PLD1: variants seen among roughly 807,000 people sequenced by gnomAD.
The protein encoded by PLD1 is choline phosphatase 1.
In PLD1, 112 loss-of-function variants were observed where a neutral mutation model predicts 137.1. The observed-to-expected ratio is 0.82, with a 90% CI of 0.70 to 0.96. The LOEUF (loss-of-function observed/expected upper bound fraction) is 0.96, where lower values mean the gene tolerates loss of function less well. PLD1 is among the 40% of genes least tolerant of loss of function. PLD1 has a pLI of 0.00. For missense variants in PLD1, 1,321 were observed against 1,342.0 expected, an observed-to-expected ratio of 0.98 and a Z score of 0.24; for synonymous variants, 431 against 454.7, an observed-to-expected ratio of 0.95 and a Z score of 0.66.
chr3:171,796,182 A>G (rs2108355048), intron 1 of PLD1, among the ~76,000 whole-genome samples: 1 of 152,372 alleles, frequency 6.6e-6, no homozygotes, highest in South Asian at 2.1e-4. Flanking sequence ...TGAGTAAGAT[A>G]TGTCCCTTAC....
chr3:171,611,411 G>A, intron 25 of PLD1: 1 of 341,740 alleles, frequency 2.9e-6, no homozygotes, highest in Non-Finnish European at 5.8e-6. Flanking sequence ...GGTTCTAGAG[G>A]GACCACTGTG....
At chr3:171,632,857 G>C (rs1477339292) in intron 23 of PLD1, among the ~76,000 whole-genome samples, 1 of 152,152 alleles carries the variant, frequency 6.6e-6, no homozygotes, top group Non-Finnish European at 1.5e-5. Flanking sequence ...TGCCAAAGCA[G>C]GCCTACAGAG....
intron 1 of PLD1, among the ~76,000 whole-genome samples, chr3:171,781,047 A>G (rs898964548): frequency 2.0e-5 from 3 of 152,204 alleles, no homozygotes; most frequent in Admixed American, 6.5e-5. Flanking sequence ...AGGACTTAAC[A>G]CTACCTGACT....
At chr3:171,710,715 T>G (rs1310113875) in intron 9 of PLD1, among the ~76,000 whole-genome samples, 1 of 152,116 alleles carries the variant, frequency 6.6e-6, no homozygotes, top group Non-Finnish European at 1.5e-5. Flanking sequence ...TTCCCTCAGC[T>G]TCTGGAAATA....
intron 8 of PLD1, among the ~76,000 whole-genome samples, chr3:171,724,468 C>T (rs371908233): frequency 5.3e-5 from 8 of 152,080 alleles, no homozygotes; most frequent in Admixed American, 2.0e-4. Context: ...CCAATTTGTG[C>T]GTTCTTTGTC....
At chr3:171,726,491 G>C (rs533640698) in intron 6 of PLD1, among the ~76,000 whole-genome samples, 1 of 152,174 alleles carries the variant, frequency 6.6e-6, no homozygotes, top group African/African-American at 2.4e-5. Flanking sequence ...GACTGGATTT[G>C]GGCCCACAGT....
chr3:171,662,072 A>G lies in PLD1; in HGVS notation c.2328T>C (p.Tyr776=). 2 of 1,591,738 alleles carry G rather than the reference A, an allele frequency of 1.3e-6. No individual in the cohort carries two copies. The highest frequency in any genetic ancestry group is 1.7e-6 in the Non-Finnish European group (2 of 1,159,788). The change falls in exon 20 of 27, where the codon TAT becomes TAC. Residue 776 remains tyrosine, a synonymous_variant. Transcript: ENST00000351298. Reference sequence around the variant, plus strand: ...GAGCAAGACTTACTTCGATATAGATATAGTGCCTGCTGTTCTCTATCACAT... The same window carrying G: ...GAGCAAGACTTACTTCGATATAGATGTAGTGCCTGCTGTTCTCTATCACAT... The part of the protein sequence containing the change: ...YVHVIENSRH[Y]IYIENQFFIS...
At chr3:171,736,200 G>A (rs1007793394) in intron 3 of PLD1, among the ~76,000 whole-genome samples, 2 of 152,112 alleles carry the variant, frequency 1.3e-5, no homozygotes, top group African/African-American at 2.4e-5. Flanking sequence ...GGTGGAAAAA[G>A]TGACTGCAGT....
intron 13 of PLD1, among the ~76,000 whole-genome samples, chr3:171,690,269 G>A (rs1715016520): frequency 6.6e-6 from 1 of 151,856 alleles, no homozygotes; most frequent in African/African-American, 2.4e-5. Flanking sequence ...AGCCCACCAA[G>A]CTAAAGGTTT....
At chr3:171,689,987 G>A (rs1714989541) in intron 13 of PLD1, among the ~76,000 whole-genome samples, 1 of 152,176 alleles carries the variant, frequency 6.6e-6, no homozygotes, top group Admixed American at 6.5e-5. Context: ...CTCATTAAAT[G>A]TTTGGTAGAA....
rs1033718362 is a variant in PLD1 at position 171,676,638 on chromosome 3, A to G, written c.2115+77T>C. 3 of 1,071,400 alleles carry G rather than the reference A, an allele frequency of 2.8e-6. No individual in the cohort carries two copies. In the South Asian group the frequency reaches 4.1e-5, roughly 15 times the overall value. 66.4% of individuals were successfully genotyped at this position (1,071,400 alleles called of 1,614,324 possible). ...GCCACAACAGTCTCTTCTTGCTACC[A>G]GCCTCCTCTAAACCTCTTCTCTAGT... On this transcript the variant is annotated intron_variant, in intron 18 of 26. Transcript: ENST00000351298.
chr3:171,682,720 A>G lies in PLD1; in HGVS notation c.1867+3965T>C, dbSNP rs1714138327. Among the ~76,000 whole-genome samples the G allele has an allele frequency of 3.9e-5, 6 of 152,204 alleles. 1 individual carries two copies. In the South Asian group the frequency reaches 1.2e-3, roughly 32 times the overall value. On this transcript the variant is annotated intron_variant, in intron 16 of 26. Coordinates refer to ENST00000351298, the MANE Select transcript of PLD1 (RefSeq NM_002662.5). ...GAACTCCAATAATTAAAACAGATACAAGTGGGATTGTTCTGGTTGAAGAGG... is the reference window on the plus strand; with the variant it reads ...GAACTCCAATAATTAAAACAGATACGAGTGGGATTGTTCTGGTTGAAGAGG...
At position 171,758,540 on chromosome 3, in the gene PLD1, T is replaced by C. The variant is rs1721185481; in HGVS notation, c.-31-20458A>G. 2.6e-5 allele frequency among the ~76,000 whole-genome samples: 4 copies of C among 152,308 alleles called. No homozygotes were observed. The South Asian group carries it at 8.3e-4, about 32-fold the overall frequency. On this transcript the variant is annotated intron_variant, in intron 1 of 26. Coordinates refer to ENST00000351298, the MANE Select transcript of PLD1 (RefSeq NM_002662.5). ...CTCGTAGGCATCATCCAGGAGCTTG[T>C]TGGAAATGCAAAACCTTGGCCACAC...
Position 171,645,013 on chromosome 3 carries a change from T to G in PLD1, c.2440A>C (p.Lys814Gln), listed in dbSNP as rs1178866606. Residue 814 changes from lysine (K) to glutamine (Q), a missense_variant, in exon 22 of 27, where the codon AAA becomes CAA. By Grantham distance (53) the Lys-to-Gln change is moderately conservative (BLOSUM62 1). Transcript: ENST00000351298. Reference sequence around the variant, plus strand: ...GGTATCACGACATATACCCGGTATTTCTGGTTTTCCCTGCAAAGGTCAGAT... The same window carrying G: ...GGTATCACGACATATACCCGGTATTGCTGGTTTTCCCTGCAAAGGTCAGAT... ...RILKAHRENQ[K>Q]YRVYVVIPLL... 2 of 1,611,514 alleles carry G rather than the reference T, an allele frequency of 1.2e-6. No homozygotes were observed. The highest frequency in any genetic ancestry group is 2.7e-5 in the African/African-American group (2 of 74,994).
rs1448076338 is a variant in PLD1 at position 171,612,003 on chromosome 3, G to T, written c.2882+276C>A. ...ATGCTGAGCCAGGAGGATTGCTTGAGCCTAGGAATTCAAGGATGCAATGAG... is the reference window on the plus strand; with the variant it reads ...ATGCTGAGCCAGGAGGATTGCTTGATCCTAGGAATTCAAGGATGCAATGAG... On this transcript the variant is annotated intron_variant, in intron 25 of 26. Coordinates refer to ENST00000351298, the MANE Select transcript of PLD1 (RefSeq NM_002662.5). The surrounding 1 kb of genome is among the most constrained non-coding windows in gnomAD (Gnocchi z 4.1). 6.6e-6 allele frequency among the ~76,000 whole-genome samples: 1 copy of T among 152,152 alleles called. No individual in the cohort carries two copies. Among genetic ancestry groups the T allele is most frequent in the Non-Finnish European group, 1.5e-5 (1 of 68,024 alleles).
chr3:171,647,271 G>C (rs903386697), intron 21 of PLD1, among the ~76,000 whole-genome samples: 5 of 152,158 alleles, frequency 3.3e-5, no homozygotes, highest in African/African-American at 1.2e-4. Flanking sequence ...GTTTCTGGTA[G>C]AGAAGAGGTT....
intron 19 of PLD1, among the ~76,000 whole-genome samples, chr3:171,667,575 T>A (rs537085478): frequency 6.6e-6 from 1 of 152,082 alleles, no homozygotes; most frequent in Non-Finnish European, 1.5e-5. Context: ...AAAGGAGAGT[T>A]AGGGATGGAT....
chr3:171,737,103 GA>G (rs1218840326), intron 3 of PLD1, among the ~76,000 whole-genome samples: 2 of 152,134 alleles, frequency 1.3e-5, no homozygotes, highest in African/African-American at 4.8e-5. Flanking sequence ...TTTTTCTTAA[GA>G]GCCAGGTAGC....
chr3:171,664,620 G>C (rs767331098), intron 19 of PLD1, among the ~76,000 whole-genome samples: 4 of 109,820 alleles, frequency 3.6e-5, no homozygotes, highest in African/African-American at 9.1e-5. Context: ...ACCATGCCCA[G>C]CTATTTTTTT....
Sources: allele counts gnomAD v4.1 joint callset (sites outside exome capture counted in the v4.1 genomes callset), GRCh38; gene constraint gnomAD v4.1.1; non-coding constraint Gnocchi (gnomAD v3.1); transcripts MANE v1.5; gene names NCBI Gene and HGNC (gene_info 2026-07-23, HGNC 2026-07-21).